The following DCC variants were observed in gnomAD, a reference collection of about 807,000 sequenced individuals.
DCC encodes the protein DCC netrin 1 receptor, also known as netrin receptor DCC.
DCC carries 58 observed loss-of-function variants against 172.5 expected under a neutral mutation model. The observed-to-expected ratio is 0.34, with a 90% CI of 0.27 to 0.42. The LOEUF (loss-of-function observed/expected upper bound fraction) is 0.42, where lower values mean the gene tolerates loss of function less well. Ranked by LOEUF, DCC falls within the 10% of genes least tolerant of loss-of-function variation. The probability of loss-of-function intolerance (pLI) is 1.00; values close to 1 mark genes in which losing one functional copy is unlikely to be tolerated. For synonymous variants in DCC, 709 were observed against 644.5 expected, an observed-to-expected ratio of 1.10 and a Z score of -1.52; for missense variants, 1,740 against 1,791.0, an observed-to-expected ratio of 0.97 and a Z score of 0.51.
At chr18:52,377,786 A>T (rs1270572270) in intron 1 of DCC, among the ~76,000 whole-genome samples, 1 of 150,884 alleles carries the variant, frequency 6.6e-6, no homozygotes, top group African/African-American at 2.4e-5. Context: ...GGCTCACCAC[A>T]GATTCTGCCT....
At chr18:52,765,575 A>G (rs965555691) in intron 2 of DCC, among the ~76,000 whole-genome samples, 34 of 152,204 alleles carry the variant, frequency 2.2e-4, no homozygotes, top group African/African-American at 7.7e-4. Context: ...CTTTGTGCTC[A>G]CCGTAATCTA....
chr18:52,856,059 C>A (rs1002027398), intron 2 of DCC, among the ~76,000 whole-genome samples: 3 of 151,758 alleles, frequency 2.0e-5, no homozygotes, highest in African/African-American at 7.3e-5. Flanking sequence ...GCCACCGCGC[C>A]CCGCCATTAG....
chr18:53,231,295 G>C (rs1375506924), intron 12 of DCC, among the ~76,000 whole-genome samples: 6 of 151,878 alleles, frequency 4.0e-5, no homozygotes, highest in Admixed American at 3.9e-4. Context: ...ACTATTCTTG[G>C]GAAATATATT....
intron 15 of DCC, among the ~76,000 whole-genome samples, 154 bp downstream of exon 15, chr18:53,340,061 CACACACACACACACAT>C (rs1388587578): frequency 5.6e-5 from 7 of 125,724 alleles, no homozygotes; most frequent in Admixed American, 5.4e-4. Context: ...CACACACACA[CACACACACACACACAT>C]ACACACACAC....
chr18:53,323,065 C>A (rs12962118), intron 14 of DCC, among the ~76,000 whole-genome samples: 15,717 of 152,068 alleles, frequency 0.1, 871 homozygotes, highest in Middle Eastern at 0.19. Context: ...ATGAAATTCT[C>A]TTACTCCTTA....
At position 52,370,790 on chromosome 18, in the gene DCC, A is replaced by G. The variant is rs150096712; in HGVS notation, c.91+29912A>G. Among the ~76,000 whole-genome samples, 3 of 152,362 alleles carry G rather than the reference A, an allele frequency of 2.0e-5. No homozygotes were observed. In the East Asian group the frequency reaches 5.8e-4, roughly 29 times the overall value. On this transcript the variant is annotated intron_variant, in intron 1 of 28. Coordinates refer to ENST00000442544, the MANE Select transcript of DCC (RefSeq NM_005215.4). ...AAGATTGAATAATAATTGAAGAAAA[A>G]TCACCAACGCTTGAGAGAAATTGTT...
intron 8 of DCC, 98 bp from the exon 9 acceptor site, chr18:53,178,864 C>T (rs1344691222): frequency 1.6e-6 from 2 of 1,276,836 alleles, no homozygotes; most frequent in East Asian, 2.3e-5. Flanking sequence ...GAGTGAGCAA[C>T]CTTTTGGTTC....
intron 22 of DCC, among the ~76,000 whole-genome samples, chr18:53,445,700 G>T (rs895977862): frequency 1.3e-5 from 2 of 151,974 alleles, no homozygotes; most frequent in African/African-American, 4.8e-5. Context: ...TATTTAATAA[G>T]TCTTTATTAA....
chr18:52,454,067 A>T (rs1485194523), intron 1 of DCC, among the ~76,000 whole-genome samples: 1 of 152,180 alleles, frequency 6.6e-6, no homozygotes. Context: ...CCCATGTAAC[A>T]ATTCCCTTTC....
At chr18:52,422,519 G>T (rs540891645) in intron 1 of DCC, among the ~76,000 whole-genome samples, 25 of 152,270 alleles carry the variant, frequency 1.6e-4, no homozygotes, top group African/African-American at 5.8e-4. Flanking sequence ...ACTGTAGGTT[G>T]CCCCAGAGTA....
At chr18:53,105,275 T>C (rs2043228786) in intron 7 of DCC, among the ~76,000 whole-genome samples, 1 of 152,026 alleles carries the variant, frequency 6.6e-6, no homozygotes, top group Admixed American at 6.6e-5. Context: ...CTTCTTGGGA[T>C]ACCTGAATAA....
chr18:52,828,368 C>T (rs1222541106), intron 2 of DCC, among the ~76,000 whole-genome samples: 1 of 151,912 alleles, frequency 6.6e-6, no homozygotes, highest in East Asian at 1.9e-4. Flanking sequence ...GTTTGTTGTC[C>T]CTCTTAACTG....
chr18:53,495,945 A>T (rs1215666671), intron 26 of DCC, among the ~76,000 whole-genome samples: 1 of 152,150 alleles, frequency 6.6e-6, no homozygotes, highest in East Asian at 1.9e-4. Context: ...AAAAAAAAGC[A>T]GCAGCCCCAG....
intron 26 of DCC, among the ~76,000 whole-genome samples, chr18:53,497,865 G>A (rs1428119662): frequency 6.6e-6 from 1 of 152,154 alleles, no homozygotes; most frequent in Non-Finnish European, 1.5e-5. Context: ...TGGAAATAAG[G>A]CACTTCTCTT....
intron 7 of DCC, among the ~76,000 whole-genome samples, chr18:53,125,178 T>A (rs1379970151): frequency 6.6e-6 from 1 of 152,084 alleles, no homozygotes; most frequent in Non-Finnish European, 1.5e-5. Flanking sequence ...TGGCACATAA[T>A]AATTTGCTGA....
rs183025441 is a variant in DCC at position 53,080,175 on chromosome 18, A to T, written c.1261+14009A>T. Among the ~76,000 whole-genome samples, 777 of 152,178 alleles carry T rather than the reference A, an allele frequency of 5.1e-3. 6 individuals carry two copies. Among genetic ancestry groups the T allele is most frequent in the Admixed American group, 0.022 (341 of 15,248 alleles). ...CAAGAAGAGTGAGTTAATGTATTAG[A>T]AGGTCCTGACAGATTGGAGATTGAG... On this transcript the variant is annotated intron_variant, in intron 7 of 28. Coordinates refer to ENST00000442544, the MANE Select transcript of DCC (RefSeq NM_005215.4).
intron 15 of DCC, among the ~76,000 whole-genome samples, chr18:53,349,227 G>T (rs1390765205): frequency 2.0e-5 from 3 of 152,164 alleles, no homozygotes; most frequent in Non-Finnish European, 2.9e-5. Context: ...GGCAGGGGCA[G>T]ATGCCACCAG....
chr18:52,773,367 A>T (rs1475913005), intron 2 of DCC, among the ~76,000 whole-genome samples: 1 of 152,204 alleles, frequency 6.6e-6, no homozygotes. Flanking sequence ...CTTATATTTT[A>T]TATCCTTAAC....
chr18:52,788,125 A>G (rs1021428333), intron 2 of DCC, among the ~76,000 whole-genome samples: 2 of 152,174 alleles, frequency 1.3e-5, no homozygotes, highest in African/African-American at 4.8e-5. Context: ...TGCAAGATTA[A>G]TTTTTACAAT....
Sources: gnomAD v4.1 joint callset for allele counts (sites outside exome capture counted in the v4.1 genomes callset) on GRCh38, gnomAD v4.1.1 for gene constraint, MANE v1.5 for transcripts, NCBI Gene and HGNC (gene_info 2026-07-23, HGNC 2026-07-21) for gene names.